DLGAP2: variants seen among roughly 807,000 people sequenced by gnomAD.
DLGAP2 encodes disks large-associated protein 2.
DLGAP2 carries 26 observed loss-of-function variants against 100.3 expected under a neutral mutation model. The observed-to-expected ratio is 0.26, with a 90% CI of 0.19 to 0.36. The LOEUF is 0.36. Ranked by LOEUF, DLGAP2 falls within the 10% of genes least tolerant of loss-of-function variation. The probability of loss-of-function intolerance (pLI) is 1.00; values close to 1 mark genes in which losing one functional copy is unlikely to be tolerated. For missense variants in DLGAP2, 1,858 were observed against 1,453.2 expected, an observed-to-expected ratio of 1.28 and a Z score of -4.53; for synonymous variants, 886 against 630.1, an observed-to-expected ratio of 1.41 and a Z score of -6.08.
chr8:852,428 A>C (rs1797199050), intron 1 of DLGAP2, among the ~76,000 whole-genome samples: 1 of 152,228 alleles, frequency 6.6e-6, no homozygotes, highest in Non-Finnish European at 1.5e-5. Flanking sequence ...AATCCAATGA[A>C]ACCATCATGA....
intron 1 of DLGAP2, among the ~76,000 whole-genome samples, chr8:805,787 G>A (rs938637303): frequency 2.5e-4 from 38 of 152,288 alleles, no homozygotes; most frequent in African/African-American, 8.2e-4. Flanking sequence ...GCCTCCCAAA[G>A]CGCAGGGATT....
At chr8:970,159 C>G (rs901997242) in intron 2 of DLGAP2, among the ~76,000 whole-genome samples, 29 of 152,162 alleles carry the variant, frequency 1.9e-4, no homozygotes, top group African/African-American at 6.0e-4. Flanking sequence ...GTCAATGACA[C>G]CAGCAGCTTC....
chr8:890,847 C>T (rs927193651), intron 1 of DLGAP2, among the ~76,000 whole-genome samples: 2 of 152,164 alleles, frequency 1.3e-5, no homozygotes, highest in Admixed American at 1.3e-4. Context: ...CCCCCCTAAA[C>T]TCTAGGGCAT....
At chr8:1,664,812 G>T (rs1288837836) in intron 8 of DLGAP2, among the ~76,000 whole-genome samples, 1 of 152,316 alleles carries the variant, frequency 6.6e-6, no homozygotes, top group Non-Finnish European at 1.5e-5. Context: ...ACAGCTAATT[G>T]CTTCAAACCA....
chr8:1,306,806 GT>G (rs1453629669), intron 3 of DLGAP2, among the ~76,000 whole-genome samples: 2 of 152,252 alleles, frequency 1.3e-5, no homozygotes, highest in East Asian at 3.9e-4. Context: ...AAGGAACAGT[GT>G]TTTCAATAAT....
chr8:1,683,658 G>A (rs1398786832), intron 12 of DLGAP2, among the ~76,000 whole-genome samples: 1 of 149,908 alleles, frequency 6.7e-6, no homozygotes, highest in East Asian at 2.0e-4. Context: ...AGGAGGATGG[G>A]CTGTCTTAGC....
intron 6 of DLGAP2, among the ~76,000 whole-genome samples, chr8:1,566,578 C>T (rs970810705): frequency 6.6e-6 from 1 of 152,188 alleles, no homozygotes; most frequent in Non-Finnish European, 1.5e-5. Context: ...CTGCCTTCTG[C>T]GGCCGGCTGT....
intron 4 of DLGAP2, among the ~76,000 whole-genome samples, chr8:1,514,005 C>T (rs974284119): frequency 1.3e-5 from 2 of 152,190 alleles, no homozygotes; most frequent in Non-Finnish European, 2.9e-5. Flanking sequence ...CTCCCCTTCC[C>T]GGGTTATCTT....
intron 1 of DLGAP2, among the ~76,000 whole-genome samples, chr8:812,094 C>G (rs148310244): frequency 3.4e-4 from 52 of 152,312 alleles, no homozygotes; most frequent in African/African-American, 1.2e-3. Flanking sequence ...TCCTCCATCT[C>G]TGCAAGAGGG....
intron 8 of DLGAP2, among the ~76,000 whole-genome samples, chr8:1,633,856 T>C (rs1250483684): frequency 1.3e-5 from 2 of 152,008 alleles, no homozygotes; most frequent in African/African-American, 2.4e-5. Context: ...CGAGGGGAAA[T>C]AGAACAAAGC....
intron 4 of DLGAP2, among the ~76,000 whole-genome samples, chr8:1,517,783 G>C (rs911508855): frequency 9.9e-5 from 15 of 152,220 alleles, no homozygotes; most frequent in African/African-American, 3.4e-4. Flanking sequence ...CCAGCTGCTT[G>C]TTGGATTAGG....
intron 3 of DLGAP2, among the ~76,000 whole-genome samples, chr8:1,287,268 G>T (rs1799945962): frequency 2.2e-5 from 1 of 45,686 alleles, no homozygotes; most frequent in Admixed American, 2.3e-4. Flanking sequence ...AGTTCAGCGT[G>T]TGTGTGTGTG....
intron 2 of DLGAP2, among the ~76,000 whole-genome samples, chr8:1,160,416 C>T (rs956864130): frequency 2.0e-5 from 3 of 152,208 alleles, no homozygotes; most frequent in Non-Finnish European, 4.4e-5. Context: ...TGGGCGCGGG[C>T]GTGAGTGTGC....
intron 12 of DLGAP2, among the ~76,000 whole-genome samples, chr8:1,690,728 A>T (rs1799238138): frequency 6.7e-6 from 1 of 149,606 alleles, no homozygotes; most frequent in African/African-American, 2.5e-5. Context: ...AAAAAAAAAA[A>T]ATTAGTATTT....
At chr8:1,091,796 C>T (rs1023530023) in intron 2 of DLGAP2, among the ~76,000 whole-genome samples, 1 of 152,028 alleles carries the variant, frequency 6.6e-6, no homozygotes, top group African/African-American at 2.4e-5. Flanking sequence ...CTCCCCACTC[C>T]TACCCCTCCG....
At chr8:854,160 GCAGC>G (rs1425978711) in intron 1 of DLGAP2, among the ~76,000 whole-genome samples, 1 of 152,158 alleles carries the variant, frequency 6.6e-6, no homozygotes, top group Admixed American at 6.5e-5. Context: ...CCTTGTTCTA[GCAGC>G]CACATAGACT....
At chr8:1,484,573 G>A (rs941410846) in intron 3 of DLGAP2, among the ~76,000 whole-genome samples, 50 of 152,206 alleles carry the variant, frequency 3.3e-4, no homozygotes, top group African/African-American at 1.2e-3. Flanking sequence ...CCAGACACTC[G>A]AAGGAGGTTC....
chr8:1,047,546 G>A (rs1008899197), intron 2 of DLGAP2, among the ~76,000 whole-genome samples: 4 of 152,130 alleles, frequency 2.6e-5, no homozygotes, highest in African/African-American at 9.7e-5. Flanking sequence ...AGCCTGGATC[G>A]AGTGTCTTAT....
chr8:1,697,305 G>C lies in DLGAP2; in HGVS notation c.2949+6G>C, dbSNP rs755817516. The C allele has an allele frequency of 3.1e-6, 5 of 1,597,620 alleles. No homozygotes were observed. The highest frequency in any genetic ancestry group is 3.4e-6 in the Non-Finnish European group (4 of 1,170,378). Reference sequence around the variant, plus strand: ...TGGAGTCCCCGGAAAGAAAGGTAAGGGCATCCATGCAGGGCCGGCTCCCAG... The same window carrying C: ...TGGAGTCCCCGGAAAGAAAGGTAAGCGCATCCATGCAGGGCCGGCTCCCAG... On this transcript the variant is annotated splice_donor_region_variant and intron_variant, in intron 14 of 14. Coordinates refer to ENST00000637795, the MANE Select transcript of DLGAP2 (RefSeq NM_001346810.2).
Sources: allele counts gnomAD v4.1 joint callset (sites outside exome capture counted in the v4.1 genomes callset), GRCh38; gene constraint gnomAD v4.1.1; transcripts MANE v1.5; gene names NCBI Gene and HGNC (gene_info 2026-07-23, HGNC 2026-07-21).